NAV2: variants seen among roughly 807,000 people sequenced by gnomAD.
NAV2 encodes the protein helicase, APC down-regulated 1.
NAV2 carries 54 observed loss-of-function variants against 223.2 expected under a neutral mutation model. The ratio of observed to expected loss-of-function variants is 0.24; its 90% CI spans 0.19 to 0.30. NAV2 has a LOEUF of 0.30. NAV2 is among the 10% of genes least tolerant of loss of function. NAV2 has a pLI of 1.00. For synonymous variants in NAV2, 1,279 were observed against 1,239.3 expected, an observed-to-expected ratio of 1.03 and a Z score of -0.67; for missense variants, 2,806 against 3,147.5, an observed-to-expected ratio of 0.89 and a Z score of 2.60.
chr11:19,537,958 G>A (rs985613166), intron 1 of NAV2, among the ~76,000 whole-genome samples: 7 of 152,202 alleles, frequency 4.6e-5, no homozygotes, highest in Admixed American at 6.5e-5. Flanking sequence ...GAAAGCACCT[G>A]AGTCCCAAAG....
At chr11:19,588,684 G>A (rs1196974802) in intron 1 of NAV2, among the ~76,000 whole-genome samples, 2 of 152,196 alleles carry the variant, frequency 1.3e-5, no homozygotes, top group East Asian at 3.8e-4. Flanking sequence ...ATAGAAAATG[G>A]TGGAAGACCT....
At chr11:20,002,073 G>T (rs2584840) in intron 11 of NAV2, among the ~76,000 whole-genome samples, 128,530 of 152,150 alleles carry the variant, frequency 0.84, 54,503 homozygotes, top group Middle Eastern at 0.9. Flanking sequence ...GCAGAAATTC[G>T]GACTTCTACT....
intron 1 of NAV2, among the ~76,000 whole-genome samples, chr11:19,459,504 C>G (rs11025140): frequency 0.28 from 41,903 of 152,076 alleles, 6,042 homozygotes; most frequent in East Asian, 0.32. Flanking sequence ...TCAGCCAGGC[C>G]TGGTCATGAA....
chr11:19,410,182 T>C (rs7947584), intron 1 of NAV2, among the ~76,000 whole-genome samples: 320 of 152,278 alleles, frequency 2.1e-3, no homozygotes, highest in African/African-American at 7.4e-3. Flanking sequence ...CTATAGAACA[T>C]GCAGAGGCAG....
At chr11:20,040,312 AAC>A (rs1337173611) in intron 12 of NAV2, among the ~76,000 whole-genome samples, 6 of 152,202 alleles carry the variant, frequency 3.9e-5, no homozygotes, top group African/African-American at 1.4e-4. Context: ...AAAGATGGAC[AAC>A]AGAGTGCTGG....
chr11:19,656,186 C>G (rs982883268), intron 1 of NAV2, among the ~76,000 whole-genome samples: 6 of 152,176 alleles, frequency 3.9e-5, no homozygotes, highest in African/African-American at 1.4e-4. Context: ...TGACAAAATG[C>G]AGAGCACTGA....
At chr11:19,835,147 A>C (rs1042339247) in intron 2 of NAV2, among the ~76,000 whole-genome samples, 2 of 152,174 alleles carry the variant, frequency 1.3e-5, no homozygotes, top group African/African-American at 4.8e-5. Context: ...TGCTTCCCTG[A>C]ATCTATTCAG....
chr11:19,515,097 T>C (rs892950308), intron 1 of NAV2, among the ~76,000 whole-genome samples: 6 of 152,204 alleles, frequency 3.9e-5, no homozygotes, highest in African/African-American at 1.4e-4. Flanking sequence ...ATTATATAAC[T>C]TGTATAAGCA....
At chr11:19,892,306 G>A in intron 5 of NAV2, 128 bp from the exon 6 acceptor site, 1 of 848,284 alleles carries the variant, frequency 1.2e-6, no homozygotes, top group South Asian at 2.4e-5. Context: ...CAAATTCTGT[G>A]ACTGGCAAAC....
At chr11:19,468,009 C>T (rs1335002834) in intron 1 of NAV2, among the ~76,000 whole-genome samples, 1 of 152,020 alleles carries the variant, frequency 6.6e-6, no homozygotes, top group Non-Finnish European at 1.5e-5. Context: ...GGAAGGGAGG[C>T]TTGGGTGGGC....
At chr11:20,061,365 T>C (rs1428568689) in intron 19 of NAV2, among the ~76,000 whole-genome samples, 3 of 87,650 alleles carry the variant, frequency 3.4e-5, no homozygotes, top group African/African-American at 6.1e-5. Context: ...AGACTGGGAG[T>C]TCGAGAGCAG....
At chr11:19,398,045 T>C (rs1564905389) in intron 1 of NAV2, among the ~76,000 whole-genome samples, 1 of 152,170 alleles carries the variant, frequency 6.6e-6, no homozygotes, top group African/African-American at 2.4e-5. Flanking sequence ...TTCCCCCGCG[T>C]ATTAGATCAT....
chr11:19,356,665 C>A (rs1441140109), intron 1 of NAV2, among the ~76,000 whole-genome samples: 8 of 152,128 alleles, frequency 5.3e-5, no homozygotes, highest in Admixed American at 2.6e-4. Flanking sequence ...AACCATGTGG[C>A]CTTTTGGGGG....
At chr11:19,840,470 T>G (rs1388852923) in intron 2 of NAV2, among the ~76,000 whole-genome samples, 1 of 152,236 alleles carries the variant, frequency 6.6e-6, no homozygotes, top group Non-Finnish European at 1.5e-5. Context: ...TAATGAGCAC[T>G]AATGACCTAA....
chr11:19,715,911 C>T (rs1034162603), intron 1 of NAV2, among the ~76,000 whole-genome samples: 4 of 152,172 alleles, frequency 2.6e-5, no homozygotes, highest in African/African-American at 7.2e-5. Flanking sequence ...TGCCTGCCCT[C>T]GTTTGCCAGT....
chr11:19,746,535 A>C (rs935660990), intron 1 of NAV2, among the ~76,000 whole-genome samples: 1 of 152,190 alleles, frequency 6.6e-6, no homozygotes, highest in African/African-American at 2.4e-5. Context: ...ATTAATGAGG[A>C]GAACGCTAGA....
At chr11:19,895,900 A>G (rs891339345) in intron 6 of NAV2, among the ~76,000 whole-genome samples, 1 of 152,032 alleles carries the variant, frequency 6.6e-6, no homozygotes, top group Admixed American at 6.5e-5. Context: ...CGGGTAAGAC[A>G]CAACAGGTAC....
chr11:19,790,370 C>G (rs1385484438), intron 1 of NAV2, among the ~76,000 whole-genome samples: 2 of 152,170 alleles, frequency 1.3e-5, no homozygotes, highest in Non-Finnish European at 2.9e-5. Context: ...AGGTCACAGC[C>G]CAAAGTCTCT....
chr11:19,769,180 T>C (rs1348463896), intron 1 of NAV2, among the ~76,000 whole-genome samples: 1 of 152,222 alleles, frequency 6.6e-6, no homozygotes, highest in Admixed American at 6.5e-5. Context: ...GTTCTTGATG[T>C]TGGCATTTCA....
Sources: gnomAD v4.1 joint callset for allele counts (sites outside exome capture counted in the v4.1 genomes callset) on GRCh38, gnomAD v4.1.1 for gene constraint, MANE v1.5 for transcripts, NCBI Gene and HGNC (gene_info 2026-07-23, HGNC 2026-07-21) for gene names.